Variants in TRIM5 observed in about 807,000 individuals in gnomAD.
TRIM5 encodes the protein tripartite motif containing 5.
In TRIM5, 31 loss-of-function variants were observed where a neutral mutation model predicts 35.6. That is an observed-to-expected ratio of 0.87 (90% CI 0.65 to 1.18). The LOEUF (loss-of-function observed/expected upper bound fraction) is 1.18. Ranked by LOEUF, TRIM5 falls within the 50% of genes most tolerant of loss-of-function variation. TRIM5 has a pLI of 0.00. For synonymous variants in TRIM5, 243 were observed against 215.6 expected (o/e 1.13, Z -1.11); for missense variants, 609 against 591.6 (o/e 1.03, Z -0.31).
chr11:5,644,242 G>A, the TRIM5 span: 1 of 398,694 alleles, frequency 2.5e-6, no homozygotes, highest in Admixed American at 4.4e-5. Flanking sequence ...TAATCATGAT[G>A]AATACTTTCT....
the TRIM5 span, among the ~76,000 whole-genome samples, chr11:5,609,084 C>G: frequency 2.6e-5 from 4 of 152,110 alleles, no homozygotes; most frequent in African/African-American, 9.6e-5. Context: ...CCAGTAAAAA[C>G]GTAAACCCGA....
At chr11:5,684,513 T>C (rs939548203) in intron 1 of TRIM5, among the ~76,000 whole-genome samples, 3 of 152,160 alleles carry the variant, frequency 2.0e-5, no homozygotes, top group African/African-American at 7.2e-5. Flanking sequence ...AACTGACCTG[T>C]AGAGTTATGC....
the TRIM5 span, among the ~76,000 whole-genome samples, chr11:5,594,611 C>CT: frequency 3.2e-4 from 49 of 151,240 alleles, no homozygotes; most frequent in Middle Eastern, 3.4e-3. Flanking sequence ...AGCCAACATC[C>CT]TTTTTTTTTA....
At chr11:5,631,736 G>A in the TRIM5 span, among the ~76,000 whole-genome samples, 1 of 152,150 alleles carries the variant, frequency 6.6e-6, no homozygotes, top group African/African-American at 2.4e-5. Flanking sequence ...TAAAGTTTTA[G>A]TCATCTGTGG....
At chr11:5,653,546 CAGTGG>C in the TRIM5 span, among the ~76,000 whole-genome samples, 1 of 146,860 alleles carries the variant, frequency 6.8e-6, no homozygotes, top group Non-Finnish European at 1.5e-5. Context: ...GGCTGGAGTG[CAGTGG>C]AGTGATCTCG....
downstream of TRIM5, among the ~76,000 whole-genome samples, chr11:5,658,422 G>A (rs1850702813): frequency 6.6e-6 from 1 of 152,174 alleles, no homozygotes; most frequent in Non-Finnish European, 1.5e-5. Context: ...AAGCCCACGT[G>A]TGATCCAATT....
the TRIM5 span, among the ~76,000 whole-genome samples, chr11:5,617,599 C>G: frequency 7.0e-6 from 1 of 141,930 alleles, no homozygotes; most frequent in Non-Finnish European, 1.5e-5. Context: ...AGCGATTCAC[C>G]AGCCTCGGCC....
the TRIM5 span, among the ~76,000 whole-genome samples, chr11:5,593,671 C>T: frequency 2.5e-4 from 38 of 152,156 alleles, no homozygotes; most frequent in Admixed American, 6.5e-4. Flanking sequence ...TCAACCTGTG[C>T]ACTAAACAAT....
At chr11:5,598,390 G>C in the TRIM5 span, among the ~76,000 whole-genome samples, 1 of 152,108 alleles carries the variant, frequency 6.6e-6, no homozygotes, top group African/African-American at 2.4e-5. Context: ...ATTTTTCTCT[G>C]TCTAAAGAGA....
chr11:5,628,089 G>C, the TRIM5 span, among the ~76,000 whole-genome samples: 3 of 152,206 alleles, frequency 2.0e-5, no homozygotes, highest in African/African-American at 7.2e-5. Flanking sequence ...ACACTGGGAA[G>C]TGGTGGGGTC....
At chr11:5,595,459 A>C in the TRIM5 span, 3 of 152,212 alleles carry the variant, frequency 2.0e-5, no homozygotes, top group Non-Finnish European at 2.9e-5. Flanking sequence ...AATTTTAATG[A>C]TCGTTTGGCA....
chr11:5,594,480 C>T, the TRIM5 span, among the ~76,000 whole-genome samples: 70,968 of 151,778 alleles, frequency 0.47, 17,007 homozygotes, highest in East Asian at 0.68. Context: ...TGGCAATTTA[C>T]TTATTTTTTT....
At chr11:5,596,740 C>G in the TRIM5 span, 2 of 1,142,894 alleles carry the variant, frequency 1.7e-6, no homozygotes, top group Admixed American at 2.2e-5. Context: ...TTTCTCGGAA[C>G]GGAACGGAGC....
At chr11:5,670,482 TAA>T (rs1851505994) in intron 4 of TRIM5, among the ~76,000 whole-genome samples, 1 of 152,132 alleles carries the variant, frequency 6.6e-6, no homozygotes, top group African/African-American at 2.4e-5. Context: ...ATGCCCATCT[TAA>T]AAGCACTACT....
At chr11:5,660,507 C>T (rs1850776305), downstream of TRIM5, among the ~76,000 whole-genome samples, 1 of 152,130 alleles carries the variant, frequency 6.6e-6, no homozygotes, top group Non-Finnish European at 1.5e-5. Context: ...AATGTTGGAT[C>T]TGTGGGTGAG....
At chr11:5,645,053 T>A in the TRIM5 span, among the ~76,000 whole-genome samples, 2 of 152,144 alleles carry the variant, frequency 1.3e-5, no homozygotes, top group African/African-American at 2.4e-5. Flanking sequence ...ACAAAAAAAA[T>A]TTAAGTTAGT....
intron 4 of TRIM5, among the ~76,000 whole-genome samples, chr11:5,668,396 C>T (rs191247268): frequency 8.0e-4 from 122 of 152,254 alleles, no homozygotes; most frequent in African/African-American, 2.8e-3. Context: ...AAGATGTTTA[C>T]GCGGCCTTTG....
At chr11:5,636,570 A>G in the TRIM5 span, among the ~76,000 whole-genome samples, 1 of 152,286 alleles carries the variant, frequency 6.6e-6, no homozygotes, top group Non-Finnish European at 1.5e-5. Context: ...GCCCTTTTTT[A>G]TGGTTCTTCC....
chr11:5,632,778 T>G, the TRIM5 span: 3 of 1,547,638 alleles, frequency 1.9e-6, no homozygotes, highest in South Asian at 1.2e-5. Flanking sequence ...TGGAGGGAGA[T>G]GGGGCAGAAG....
Sources: gnomAD v4.1 joint callset for allele counts (sites outside exome capture counted in the v4.1 genomes callset) on GRCh38, gnomAD v4.1.1 for gene constraint, MANE v1.5 for transcripts, NCBI Gene and HGNC (gene_info 2026-07-23, HGNC 2026-07-21) for gene names.